The following ZNF493 variants were observed in gnomAD, a reference collection of about 807,000 sequenced individuals.
ZNF493 encodes zinc finger protein 493.
In ZNF493, 11 loss-of-function variants were observed where a neutral mutation model predicts 12.2. The observed-to-expected ratio is 0.90, with a 90% confidence interval of 0.57 to 1.50. ZNF493 has a LOEUF of 1.50. Among genes scored for constraint, ZNF493 ranks in the 40% most tolerant of loss-of-function variants. The pLI is 0.00. For missense variants in ZNF493, 950 were observed against 906.6 expected (o/e 1.05, Z -0.61); for synonymous variants, 286 against 302.6 (o/e 0.95, Z 0.57).
Position 21,424,722 on chromosome 19 carries a change from A to C in ZNF493, c.2063A>C (p.Glu688Ala). ...ACTGAAGAGAAACCCTACAAATGTG[A>C]AAAATGTGGCAAAACTTTCTACCGA... The part of the protein sequence containing the change: ...IHTEEKPYKC[E>A]KCGKTFYRFS... Residue 688 changes from glutamate to alanine, a missense_variant, in exon 4 of 4, where the codon GAA becomes GCA. Transcript: ENST00000392288. 1 of 1,613,440 alleles carries C rather than the reference A, an allele frequency of 6.2e-7. No individual in the cohort carries two copies. Among genetic ancestry groups the C allele is most frequent in the Non-Finnish European group, 8.5e-7 (1 of 1,179,650 alleles).
At chr19:21,400,071 T>G (rs1472305932) in intron 1 of ZNF493, among the ~76,000 whole-genome samples, 4 of 152,188 alleles carry the variant, frequency 2.6e-5, no homozygotes, top group Non-Finnish European at 4.4e-5. Context: ...AGACATTTAT[T>G]TTCTAAAAGA....
At chr19:21,419,515 G>A (rs927264607) in intron 3 of ZNF493, among the ~76,000 whole-genome samples, 19 of 152,246 alleles carry the variant, frequency 1.2e-4, no homozygotes, top group African/African-American at 4.3e-4. Flanking sequence ...TTGAGGGAAG[G>A]AAGAATCCAG....
rs975311004 is a variant in ZNF493 at position 21,426,382 on chromosome 19, C to T, written c.*1398C>T. 5.8e-6 allele frequency: 1 copy of T among 171,036 alleles called. No individual in the cohort carries two copies. Among genetic ancestry groups the T allele is most frequent in the Non-Finnish European group, 1.4e-5 (1 of 70,534 alleles). The allele number at this position is 171,036 out of a possible 1,614,324, so 10.6% of individuals were successfully genotyped here. On this transcript the variant is annotated 3_prime_UTR_variant, in exon 4 of 4. Coordinates refer to ENST00000392288, the MANE Select transcript of ZNF493 (RefSeq NM_001076678.3). ...ACTGTGAAAAAGACGTCAATATCTG[C>T]TCACATCTTACTAAACACCAGAGAG... is the stretch of plus-strand genomic sequence containing the variant.
chr19:21,419,749 C>G (rs893378371), intron 3 of ZNF493, among the ~76,000 whole-genome samples: 12 of 152,142 alleles, frequency 7.9e-5, no homozygotes, highest in African/African-American at 2.4e-4. Flanking sequence ...ACAGTATTAA[C>G]CATCATAGGC....
At chr19:21,402,263 G>C (rs974312837) in intron 1 of ZNF493, among the ~76,000 whole-genome samples, 2 of 152,194 alleles carry the variant, frequency 1.3e-5, no homozygotes, top group Admixed American at 1.3e-4. Flanking sequence ...CACCATGCCT[G>C]GCCCTGGCCA....
At chr19:21,408,511 A>G in intron 3 of ZNF493, 1 of 983,906 alleles carries the variant, frequency 1.0e-6, no homozygotes, top group Non-Finnish European at 1.2e-6. Flanking sequence ...CTGAAATTTT[A>G]CTGCCAATTT....
In ZNF493 at chr19:21,423,563, T is replaced by TG. The variant is rs766104499; in HGVS notation, c.904_905insG (p.Phe302CysfsTer2). On this transcript the variant is annotated frameshift_variant, in exon 4 of 4. Coordinates refer to ENST00000392288, the MANE Select transcript of ZNF493 (RefSeq NM_001076678.3). LOFTEE classifies it low-confidence loss of function (END_TRUNC). ...TAAATGTGAACAATATGGCAAAACTTTTAACCAATCTTCAACCCTTACTGG... is the reference window on the plus strand; with the variant it reads ...TAAATGTGAACAATATGGCAAAACTTGTTAACCAATCTTCAACCCTTACTGG... 2.5e-6 allele frequency: 4 copies of TG among 1,613,610 alleles called. No individual in the cohort carries two copies. The highest frequency in any genetic ancestry group is 3.4e-6 in the Non-Finnish European group (4 of 1,179,860).
chr19:21,410,454 GTATT>G (rs1411989390), intron 3 of ZNF493, among the ~76,000 whole-genome samples: 1 of 152,036 alleles, frequency 6.6e-6, no homozygotes, highest in East Asian at 1.9e-4. Context: ...TCTCTACAAA[GTATT>G]AATTTTCTGT....
intron 3 of ZNF493, chr19:21,413,520 T>C (rs2030390202): frequency 2.5e-6 from 1 of 402,412 alleles, no homozygotes; most frequent in Non-Finnish European, 4.4e-6. Context: ...TGGGTGGCTG[T>C]GTTCGACGTG....
In ZNF493 at chr19:21,425,268, T is replaced by C; in HGVS notation, c.*284T>C. 2.1e-6 allele frequency: 1 copy of C among 485,690 alleles called. No individual in the cohort carries two copies. Among genetic ancestry groups the C allele is most frequent in the South Asian group, 2.2e-5 (1 of 45,322 alleles). 30.1% of individuals were successfully genotyped at this position (485,690 alleles called of 1,614,324 possible). A position where few individuals can be genotyped will look rare whatever the true frequency, so the allele number is the denominator to read the frequency against. Reference sequence around the variant, plus strand: ...GAGAATTCATACCATAGAGAAATCCTACAAATATGAAGAATGTGACAAAGC... The same window carrying C: ...GAGAATTCATACCATAGAGAAATCCCACAAATATGAAGAATGTGACAAAGC... On this transcript the variant is annotated 3_prime_UTR_variant, in exon 4 of 4. Coordinates refer to ENST00000392288, the MANE Select transcript of ZNF493 (RefSeq NM_001076678.3).
chr19:21,401,683 T>TG (rs1599728651), intron 1 of ZNF493, among the ~76,000 whole-genome samples: 1 of 151,862 alleles, frequency 6.6e-6, no homozygotes, highest in African/African-American at 2.4e-5. Context: ...TGGAGTGCAG[T>TG]GGCACAGTCT....
Position 21,424,804 on chromosome 19 carries a change from T to C in ZNF493, c.2145T>C (p.Cys715=), listed in dbSNP as rs1165674317. 6.2e-7 allele frequency: 1 copy of C among 1,613,624 alleles called. No homozygotes were observed. Among genetic ancestry groups the C allele is most frequent in the South Asian group, 1.1e-5 (1 of 91,054 alleles). Residue 715 remains cysteine, a synonymous_variant, in exon 4 of 4, where the codon TGT becomes TGC. Transcript: ENST00000392288. ...ATACTGGAGAGAAACCTTGCAAATG[T>C]GAAGAATGTGGCAAAGCTTTTAACC... The part of the protein sequence containing the change: ...IIHTGEKPCK[C]EECGKAFNHS...
At chr19:21,416,558 C>A (rs2030500477) in intron 3 of ZNF493, among the ~76,000 whole-genome samples, 1 of 152,202 alleles carries the variant, frequency 6.6e-6, no homozygotes, top group African/African-American at 2.4e-5. Flanking sequence ...GAAATGTTGA[C>A]TCCTGTATCT....
chr19:21,427,038 C>T lies in ZNF493; in HGVS notation c.*2054C>T, dbSNP rs1242557743. The T allele has an allele frequency of 6.0e-6, 1 of 166,858 alleles. No homozygotes were observed. Among genetic ancestry groups the T allele is most frequent in the Non-Finnish European group, 1.5e-5 (1 of 68,084 alleles). The allele number at this position is 166,858 out of a possible 1,614,324, so 10.3% of individuals were successfully genotyped here. A position where few individuals can be genotyped will look rare whatever the true frequency, so the allele number is the denominator to read the frequency against. On this transcript the variant is annotated 3_prime_UTR_variant, in exon 4 of 4. Coordinates refer to ENST00000392288, the MANE Select transcript of ZNF493 (RefSeq NM_001076678.3). ...TCTGCTGTTTCTTCATTCTTATTCA[C>T]TTGTGAAAGCTTGTGATCATTTGTT...
chr19:21,410,248 T>C (rs973682867), intron 3 of ZNF493, among the ~76,000 whole-genome samples: 1 of 151,956 alleles, frequency 6.6e-6, no homozygotes, highest in African/African-American at 2.4e-5. Context: ...GGGATTGCTG[T>C]ATTTGATGAT....
chr19:21,405,495 A>C (rs964226103), intron 2 of ZNF493: 2 of 1,339,268 alleles, frequency 1.5e-6, no homozygotes, highest in Non-Finnish European at 1.9e-6. Context: ...TGGTAATTTC[A>C]GAAATTTAGT....
chr19:21,400,601 C>G (rs1315236013), intron 1 of ZNF493, among the ~76,000 whole-genome samples: 1 of 152,050 alleles, frequency 6.6e-6, no homozygotes, highest in South Asian at 2.1e-4. Flanking sequence ...TTATTAAAGG[C>G]CTAGTTAGTT....
intron 3 of ZNF493, among the ~76,000 whole-genome samples, chr19:21,420,067 G>A (rs1351226604): frequency 6.6e-6 from 1 of 151,810 alleles, no homozygotes; most frequent in African/African-American, 2.4e-5. Context: ...ATATACACAG[G>A]TGCCTAGAAG....
In ZNF493 at chr19:21,405,785, T is replaced by C; in HGVS notation, c.182T>C (p.Leu61Pro). 6.2e-7 allele frequency: 1 copy of C among 1,611,934 alleles called. No homozygotes were observed. The highest frequency in any genetic ancestry group is 1.7e-5 in the Admixed American group (1 of 59,498). The change falls in exon 3 of 4, where the codon CTG (leucine) becomes CCG (proline). Residue 61 changes from leucine to proline, a missense_variant. Coordinates refer to ENST00000392288, the MANE Select transcript of ZNF493 (RefSeq NM_001076678.3). ...GGTATTGCTGTCTCTAAGCCAGATC[T>C]GGTCACCTGTCTGGAGCAAGGAAAA... ...FLGIAVSKPD[L>P]VTCLEQGKDP...
Sources: gnomAD v4.1 joint callset for allele counts (sites outside exome capture counted in the v4.1 genomes callset) on GRCh38, gnomAD v4.1.1 for gene constraint, MANE v1.5 for transcripts, NCBI Gene and HGNC (gene_info 2026-07-23, HGNC 2026-07-21) for gene names.